Variants in CELSR1 observed in about 807,000 individuals in gnomAD.
CELSR1 encodes adhesion G protein-coupled receptor C1.
A neutral mutation model predicts 249.1 loss-of-function variants in CELSR1; 110 were observed. The ratio of observed to expected loss-of-function variants is 0.44; its 90% CI spans 0.38 to 0.52. The LOEUF (loss-of-function observed/expected upper bound fraction) is 0.52. Ranked by LOEUF, CELSR1 falls within the 20% of genes least tolerant of loss-of-function variation. The pLI, the probability that CELSR1 is intolerant of heterozygous loss-of-function variation, is 0.00. For missense variants in CELSR1, 4,109 were observed against 4,296.4 expected, an observed-to-expected ratio of 0.96 and a Z score of 1.22; for synonymous variants, 2,113 against 1,900.0, an observed-to-expected ratio of 1.11 and a Z score of -2.92.
intron 5 of CELSR1, among the ~76,000 whole-genome samples, chr22:46,416,718 C>T (rs2079406442): frequency 1.3e-5 from 2 of 152,172 alleles, no homozygotes; most frequent in Admixed American, 6.5e-5. Context: ...AATCCTGCTC[C>T]AGGAGTCATC....
rs180874918 is a variant in CELSR1 at position 46,374,065 on chromosome 22, G to C, written c.7585-1008C>G. Among the ~76,000 whole-genome samples, 4 of 152,338 alleles carry C rather than the reference G, an allele frequency of 2.6e-5. No individual in the cohort carries two copies. The highest frequency in any genetic ancestry group is 3.9e-4 in the East Asian group (2 of 5,182). ...AGTCAGCATCGCATCTGTCAGATAC[G>C]GAACAGAGCAGGAACCGAAGCAGGG... On this transcript the variant is annotated intron_variant, in intron 24 of 34. Coordinates refer to ENST00000674500, the MANE Select transcript of CELSR1 (RefSeq NM_001378328.1). This position sits in a 1 kb window ranked among gnomAD's most constrained non-coding sequence, Gnocchi z 4.3.
rs73890438 is a variant in CELSR1, at chr22:46,446,752, A to G, written c.4184-7341T>C. ...TGAGTTACAAAACGACATAATTCCC[A>G]TATTTGATTCAAATAGTGCAGGAAA... On this transcript the variant is annotated intron_variant, in intron 2 of 34. Coordinates refer to ENST00000674500, the MANE Select transcript of CELSR1 (RefSeq NM_001378328.1). The surrounding 1 kb of genome is among the most constrained non-coding windows in gnomAD (Gnocchi z 5.5). Among the ~76,000 whole-genome samples the G allele has an allele frequency of 0.035, 5,374 of 152,244 alleles. 334 individuals carry two copies. The highest frequency in any genetic ancestry group is 0.12 in the African/African-American group (4,989 of 41,520).
chr22:46,530,013 T>C (rs2080776082), intron 1 of CELSR1, among the ~76,000 whole-genome samples: 1 of 152,000 alleles, frequency 6.6e-6, no homozygotes. Context: ...ATGTACCTCA[T>C]AAATACATAC....
Position 46,490,971 on chromosome 22 carries a change from G to A in CELSR1, c.3545-26626C>T, listed in dbSNP as rs1404797289. ...GGCTGCCTCTGCACCCACAGGCGGGGGATTTTGTTCCCCTACAAGTTCAGG... is the reference window on the plus strand; with the variant it reads ...GGCTGCCTCTGCACCCACAGGCGGGAGATTTTGTTCCCCTACAAGTTCAGG... On this transcript the variant is annotated intron_variant, in intron 1 of 34. Transcript: ENST00000674500. The surrounding 1 kb of genome is among the most constrained non-coding windows in gnomAD (Gnocchi z 5.2). Among the ~76,000 whole-genome samples, 5 of 152,126 alleles carry A rather than the reference G, an allele frequency of 3.3e-5. No homozygotes were observed. Among genetic ancestry groups the A allele is most frequent in the Admixed American group, 6.6e-5 (1 of 15,264 alleles).
intron 2 of CELSR1, among the ~76,000 whole-genome samples, chr22:46,450,709 G>A (rs1244886014): frequency 2.0e-5 from 3 of 152,150 alleles, no homozygotes; most frequent in Non-Finnish European, 4.4e-5. Context: ...CTATAGGAGA[G>A]GCCGACCAGG....
chr22:46,382,338 C>T (rs1172738312), intron 20 of CELSR1, among the ~76,000 whole-genome samples: 3 of 152,040 alleles, frequency 2.0e-5, no homozygotes, highest in Non-Finnish European at 4.4e-5. Context: ...AGTGCAGTGG[C>T]GCCATCTCGG....
At chr22:46,507,730 G>A (rs13056008) in intron 1 of CELSR1, among the ~76,000 whole-genome samples, 22,976 of 152,126 alleles carry the variant, frequency 0.15, 1,847 homozygotes, top group Non-Finnish European at 0.19. Flanking sequence ...CCGAAGCCCC[G>A]CCCCTAGAGT....
chr22:46,496,495 G>A (rs976241693), intron 1 of CELSR1, among the ~76,000 whole-genome samples: 1 of 152,158 alleles, frequency 6.6e-6, no homozygotes, highest in Non-Finnish European at 1.5e-5. Context: ...TTGAGCCCAG[G>A]AGACGGAGGT....
At position 46,460,120 on chromosome 22, in the gene CELSR1, G is replaced by A. The variant is rs140603007; in HGVS notation, c.4183+3587C>T. ...CTACCCAGGAGGCAGAGGTTGCGGT[G>A]AGCTGAGATCACACCACTGAACTCC... On this transcript the variant is annotated intron_variant, in intron 2 of 34. Coordinates refer to ENST00000674500, the MANE Select transcript of CELSR1 (RefSeq NM_001378328.1). 6.8e-3 allele frequency among the ~76,000 whole-genome samples: 1,029 copies of A among 152,092 alleles called. 6 individuals are homozygous for A. The highest frequency in any genetic ancestry group is 0.014 in the Middle Eastern group (4 of 294).
intron 1 of CELSR1, among the ~76,000 whole-genome samples, chr22:46,509,605 G>A (rs1429518685): frequency 7.2e-5 from 3 of 41,434 alleles, no homozygotes; most frequent in Non-Finnish European, 1.7e-4. Context: ...ACCCAGCAGT[G>A]CTCAGGATGT....
In CELSR1 at chr22:46,409,802, T is replaced by C. The variant is rs1342433754; in HGVS notation, c.5012A>G (p.Tyr1671Cys). Residue 1671 changes from tyrosine (Y) to cysteine (C), a missense_variant, in exon 8 of 35, where the codon TAT becomes TGT. Physicochemically the swap from Tyr to Cys is radical, Grantham distance 194. This residue lies in a region of CELSR1 where 453 missense variants were observed against 492.0 expected (regional missense o/e 0.92). Coordinates refer to ENST00000674500, the MANE Select transcript of CELSR1 (RefSeq NM_001378328.1). This position sits in a 1 kb window ranked among gnomAD's most constrained non-coding sequence, Gnocchi z 9.8. ...GGTCVNRWNMYLCECPLRFGG... is the reference protein window; with the variant it reads ...GGTCVNRWNMCLCECPLRFGG... ...GAATCGGAGTGGACACTCACACAGA[T>C]ACATATTCCACCTGTTGACACAGGT... 5.0e-6 allele frequency: 8 copies of C among 1,613,886 alleles called. No individual in the cohort carries two copies. Among genetic ancestry groups the C allele is most frequent in the Admixed American group, 1.7e-5 (1 of 60,024 alleles).
Position 46,361,730 on chromosome 22 carries a change from A to T in CELSR1, c.*1493T>A, listed in dbSNP as rs796342674. 2 of 152,346 alleles carry T rather than the reference A, an allele frequency of 1.3e-5. No homozygotes were observed. The highest frequency in any genetic ancestry group is 4.8e-5 in the African/African-American group (2 of 41,576). 9.4% of individuals were successfully genotyped at this position (152,346 alleles called of 1,614,324 possible). A position where few individuals can be genotyped will look rare whatever the true frequency, so the allele number is the denominator to read the frequency against. On this transcript the variant is annotated 3_prime_UTR_variant, in exon 35 of 35. Coordinates refer to ENST00000674500, the MANE Select transcript of CELSR1 (RefSeq NM_001378328.1). Reference sequence around the variant, plus strand: ...CAGGGTCAAGTTTAAAACAGTGTGGACATCTTTGCATTTTACTTGATTTTC... The same window carrying T: ...CAGGGTCAAGTTTAAAACAGTGTGGTCATCTTTGCATTTTACTTGATTTTC...
chr22:46,386,879 G>A (rs1042046246), intron 18 of CELSR1, among the ~76,000 whole-genome samples: 6 of 151,982 alleles, frequency 3.9e-5, no homozygotes, highest in African/African-American at 1.2e-4. Flanking sequence ...TCAACCTCCC[G>A]AGTAGCTGGG....
intron 1 of CELSR1, among the ~76,000 whole-genome samples, chr22:46,532,514 T>C (rs2080802163): frequency 6.6e-6 from 1 of 152,202 alleles, no homozygotes; most frequent in Admixed American, 6.5e-5. Flanking sequence ...ACAGCCAACC[T>C]TGGAAACGAA....
rs775827687 is a variant in CELSR1 at position 46,378,716 on chromosome 22, C to T, written c.7258G>A (p.Val2420Ile). 1.1e-5 allele frequency: 17 copies of T among 1,612,192 alleles called. No individual in the cohort carries two copies. In the East Asian group the frequency reaches 1.1e-4, roughly 11 times the overall value. Residue 2420 changes from valine to isoleucine, a missense_variant and splice_region_variant, in exon 23 of 35, where the codon GTT becomes ATT. By Grantham distance (29) the Val-to-Ile change is conservative (BLOSUM62 3). Transcript: ENST00000674500. ...VCVFWNHSLA[V>I]GGTGGWSARG... is the part of the protein sequence containing the mutation. Reference sequence around the variant, plus strand: ...GCAGACCACCCTCCCGTCCCACCAACGCTGCGGAGAGGACAGAGAAGGGGC... The same window carrying T: ...GCAGACCACCCTCCCGTCCCACCAATGCTGCGGAGAGGACAGAGAAGGGGC...
chr22:46,449,761 G>A (rs902657208), intron 2 of CELSR1, among the ~76,000 whole-genome samples: 2 of 152,150 alleles, frequency 1.3e-5, no homozygotes, highest in Non-Finnish European at 2.9e-5. Context: ...GGAGGTGGAG[G>A]GGAGGGGAGG....
intron 1 of CELSR1, among the ~76,000 whole-genome samples, chr22:46,514,754 A>T (rs567417081): frequency 1.3e-5 from 2 of 152,172 alleles, no homozygotes; most frequent in South Asian, 4.1e-4. Context: ...TTTCTGAATG[A>T]ATTGCCCAGC....
intron 1 of CELSR1, among the ~76,000 whole-genome samples, chr22:46,493,532 C>T (rs958014824): frequency 1.6e-4 from 22 of 135,000 alleles, no homozygotes; most frequent in East Asian, 8.5e-4. Context: ...GGTGACAGAA[C>T]GAGACTCCGT....
rs1401019050 is a variant in CELSR1 at position 46,390,224 on chromosome 22, C to T, written c.6345+168G>A. On this transcript the variant is annotated intron_variant, in intron 17 of 34. Coordinates refer to ENST00000674500, the MANE Select transcript of CELSR1 (RefSeq NM_001378328.1). The surrounding 1 kb of genome is among the most constrained non-coding windows in gnomAD (Gnocchi z 6.3). Reference sequence around the variant, plus strand: ...GGCTCAGGTGCCAACACCCCGAAGTCCACAGGAACCTGCTGGCTCCAGGCT... The same window carrying T: ...GGCTCAGGTGCCAACACCCCGAAGTTCACAGGAACCTGCTGGCTCCAGGCT... Among the ~76,000 whole-genome samples the T allele has an allele frequency of 6.6e-6, 1 of 152,216 alleles. No homozygotes were observed. The highest frequency in any genetic ancestry group is 1.5e-5 in the Non-Finnish European group (1 of 68,030).
Sources: gnomAD v4.1 joint callset for allele counts (sites outside exome capture counted in the v4.1 genomes callset) on GRCh38, gnomAD v4.1.1 for gene constraint, gnomAD v4.1.1 regional missense constraint, Gnocchi (gnomAD v3.1) non-coding constraint, MANE v1.5 for transcripts, NCBI Gene and HGNC (gene_info 2026-07-23, HGNC 2026-07-21) for gene names.